OR2T8: variants seen among roughly 807,000 people sequenced by gnomAD.
The protein encoded by OR2T8 is olfactory receptor 2T8.
For synonymous variants in OR2T8, 56 were observed against 154.3 expected (o/e 0.36, Z 4.72); for missense variants, 161 against 389.4 (o/e 0.41, Z 4.94).
Position 247,922,032 on chromosome 1 carries a change from C to CT in OR2T8, c.*80dup, listed in dbSNP as rs565682586. On this transcript the variant is annotated 3_prime_UTR_variant, in exon 2 of 2. Transcript: ENST00000641945. ...ATTTCCTAGAAATAAGGAATATACA[C>CT]TTTTATTTCTACATCTGTTGTCTCT... The CT allele has an allele frequency of 1.4e-4, 198 of 1,439,672 alleles. 1 individual carries two copies. In the East Asian group the frequency reaches 4.1e-3, roughly 30 times the overall value. The allele number at this position is 1,439,672 out of a possible 1,614,324, so 89.2% of individuals were successfully genotyped here. A position where few individuals can be genotyped will look rare whatever the true frequency, so the allele number is the denominator to read the frequency against.
chr1:247,922,970 C>T lies in OR2T8; in HGVS notation c.*1014C>T, dbSNP rs980888599. On this transcript the variant is annotated 3_prime_UTR_variant, in exon 2 of 2. Transcript: ENST00000641945. ...TGACTAATAATGTTGAGGCCTCTTG[C>T]GTTAGCTTATTATCTATTGCCTATT... is the stretch of plus-strand genomic sequence containing the variant. 7.2e-5 allele frequency among the ~76,000 whole-genome samples: 11 copies of T among 152,190 alleles called. No homozygotes were observed. Among genetic ancestry groups the T allele is most frequent in the African/African-American group, 1.4e-4 (6 of 41,528 alleles).
In OR2T8 at chr1:247,921,702, A is replaced by G. The variant is rs772315295; in HGVS notation, c.685A>G (p.Thr229Ala). ...ILAAVLHMRS[T>A]EARKKAFATC... is the part of the protein sequence containing the mutation. ...CGCTGCTGTTCTGCACATGCGCTCT[A>G]CAGAAGCCCGCAAGAAGGCCTTTGC... is the stretch of plus-strand genomic sequence containing the variant. Residue 229 changes from threonine (T) to alanine (A), a missense_variant, in exon 2 of 2, where the codon ACA (threonine) becomes GCA (alanine). Coordinates refer to ENST00000641945, the MANE Select transcript of OR2T8 (RefSeq NM_001005522.2). 5.8e-6 allele frequency: 9 copies of G among 1,548,366 alleles called. No homozygotes were observed. The highest frequency in any genetic ancestry group is 1.8e-5 in the Admixed American group (1 of 56,452).
chr1:247,920,879 G>A, intron 1 of OR2T8, 119 bp from the exon 2 acceptor site: 1 of 708,936 alleles, frequency 1.4e-6, no homozygotes, highest in Non-Finnish European at 2.3e-6. Flanking sequence ...AGTGGCAAAT[G>A]AAAGATTTGA....
In OR2T8 at chr1:247,922,283, T is replaced by C. The variant is rs545726565; in HGVS notation, c.*327T>C. Among the ~76,000 whole-genome samples, 2 of 152,228 alleles carry C rather than the reference T, an allele frequency of 1.3e-5. No homozygotes were observed. Among genetic ancestry groups the C allele is most frequent in the Non-Finnish European group, 2.9e-5 (2 of 68,034 alleles). On this transcript the variant is annotated 3_prime_UTR_variant, in exon 2 of 2. Transcript: ENST00000641945. ...GAAAGTTGTTGCCATTTGTTTCAAATTGAGGTGTAGCTTACACACAGTAGA... is the reference window on the plus strand; with the variant it reads ...GAAAGTTGTTGCCATTTGTTTCAAACTGAGGTGTAGCTTACACACAGTAGA...
chr1:247,920,967 A>G, intron 1 of OR2T8, 31 bp from the exon 2 acceptor site: 1 of 1,470,394 alleles, frequency 6.8e-7, no homozygotes, highest in East Asian at 2.3e-5. Context: ...ATAAAGGATA[A>G]ACACTCTGTC....
At position 247,922,265 on chromosome 1, in the gene OR2T8, G is replaced by T. The variant is rs1182871329; in HGVS notation, c.*309G>T. On this transcript the variant is annotated 3_prime_UTR_variant, in exon 2 of 2. Transcript: ENST00000641945. Reference sequence around the variant, plus strand: ...AACCATTCAAGCAGTTTTGAAAGTTGTTGCCATTTGTTTCAAATTGAGGTG... The same window carrying T: ...AACCATTCAAGCAGTTTTGAAAGTTTTTGCCATTTGTTTCAAATTGAGGTG... Among the ~76,000 whole-genome samples the T allele has an allele frequency of 6.6e-6, 1 of 152,172 alleles. No homozygotes were observed. Among genetic ancestry groups the T allele is most frequent in the Non-Finnish European group, 1.5e-5 (1 of 68,034 alleles).
Position 247,923,090 on chromosome 1 carries a change from G to T in OR2T8, c.*1134G>T, listed in dbSNP as rs748846156. ...GTCATTAACTAATAGGCAATCTATG[G>T]CATTCATAGGGCTACTTGGAATTTT... On this transcript the variant is annotated 3_prime_UTR_variant, in exon 2 of 2. Transcript: ENST00000641945. 6.6e-6 allele frequency among the ~76,000 whole-genome samples: 1 copy of T among 152,128 alleles called. No individual in the cohort carries two copies. Among genetic ancestry groups the T allele is most frequent in the African/African-American group, 2.4e-5 (1 of 41,418 alleles).
chr1:247,922,810 T>A lies in OR2T8; in HGVS notation c.*854T>A, dbSNP rs1053898909. Among the ~76,000 whole-genome samples the A allele has an allele frequency of 6.6e-6, 1 of 152,200 alleles. No individual in the cohort carries two copies. Among genetic ancestry groups the A allele is most frequent in the Admixed American group, 6.5e-5 (1 of 15,284 alleles). ...ACTCTTCAGTAAACTGTTTTCAAAG[T>A]GGTTGTTTACTCTTATACTGCCGCT... On this transcript the variant is annotated 3_prime_UTR_variant, in exon 2 of 2. Transcript: ENST00000641945.
Position 247,921,874 on chromosome 1 carries a change from T to C in OR2T8, c.857T>C (p.Leu286Pro), listed in dbSNP as rs1173651746. 1 of 1,613,850 alleles carries C rather than the reference T, an allele frequency of 6.2e-7. No homozygotes were observed. Among genetic ancestry groups the C allele is most frequent in the Non-Finnish European group, 8.5e-7 (1 of 1,179,970 alleles). The change falls in exon 2 of 2, where the codon CTC becomes CCC. Residue 286 changes from leucine to proline, a missense_variant. Coordinates refer to ENST00000641945, the MANE Select transcript of OR2T8 (RefSeq NM_001005522.2). ...YTMFTPLLNP[L>P]IYSVKNSEVK... The stretch of plus-strand genomic sequence containing the variant: ...ATGTTCACCCCTTTACTAAACCCCC[T>C]CATCTACAGTGTGAAGAACAGTGAG...
chr1:247,920,972 T>C, intron 1 of OR2T8, 26 bp from the exon 2 acceptor site: 2 of 1,487,542 alleles, frequency 1.3e-6, no homozygotes, highest in South Asian at 1.3e-5. Flanking sequence ...GGATAAACAC[T>C]CTGTCTTCTT....
In OR2T8 at chr1:247,922,440, A is replaced by G. The variant is rs748509396; in HGVS notation, c.*484A>G. ...GCAGGCCCTTTTCCAGTGATACCCC[A>G]GGCCTAAGATACATCCACTGCTCTA... On this transcript the variant is annotated 3_prime_UTR_variant, in exon 2 of 2. Coordinates refer to ENST00000641945, the MANE Select transcript of OR2T8 (RefSeq NM_001005522.2). Among the ~76,000 whole-genome samples the G allele has an allele frequency of 5.3e-5, 8 of 152,182 alleles. No individual in the cohort carries two copies. The highest frequency in any genetic ancestry group is 7.3e-5 in the Non-Finnish European group (5 of 68,028).
chr1:247,922,054 C>T lies in OR2T8; in HGVS notation c.*98C>T. The T allele has an allele frequency of 7.9e-7, 1 of 1,270,246 alleles. No individual in the cohort carries two copies. The highest frequency in any genetic ancestry group is 1.1e-6 in the Non-Finnish European group (1 of 910,420). 78.7% of individuals were successfully genotyped at this position (1,270,246 alleles called of 1,614,324 possible). A position where few individuals can be genotyped will look rare whatever the true frequency, so the allele number is the denominator to read the frequency against. On this transcript the variant is annotated 3_prime_UTR_variant, in exon 2 of 2. Transcript: ENST00000641945. ...ACACTTTTATTTCTACATCTGTTGT[C>T]TCTGTGTGTGTGTGTGTTTGTGTGT... is the stretch of plus-strand genomic sequence containing the variant.
Position 247,921,093 on chromosome 1 carries a change from T to C in OR2T8, c.76T>C (p.Phe26Leu). The C allele has an allele frequency of 6.2e-7, 1 of 1,610,816 alleles. No individual in the cohort carries two copies. The highest frequency in any genetic ancestry group is 1.1e-5 in the South Asian group (1 of 90,634). ...CCACACCAGAGCCCACCAAGTCCTC[T>C]TCATGATGGTTCTGAGTATCGTTTT... ...FNHTRAHQVLFMMVLSIVLTS... is the reference protein window; with the variant it reads ...FNHTRAHQVLLMMVLSIVLTS... Residue 26 changes from phenylalanine to leucine, a missense_variant, in exon 2 of 2, where the codon TTC becomes CTC. Physicochemically the swap from Phe to Leu is conservative, Grantham distance 22. Coordinates refer to ENST00000641945, the MANE Select transcript of OR2T8 (RefSeq NM_001005522.2).
Position 247,922,074 on chromosome 1 carries a change from G to A in OR2T8, c.*118G>A. On this transcript the variant is annotated 3_prime_UTR_variant, in exon 2 of 2. Coordinates refer to ENST00000641945, the MANE Select transcript of OR2T8 (RefSeq NM_001005522.2). The stretch of plus-strand genomic sequence containing the variant: ...GTTGTCTCTGTGTGTGTGTGTGTTT[G>A]TGTGTTGCTTTGAATTGCAGATGAA... 9.2e-7 allele frequency: 1 copy of A among 1,090,356 alleles called. No homozygotes were observed. Among genetic ancestry groups the A allele is most frequent in the Non-Finnish European group, 1.3e-6 (1 of 765,020 alleles). The allele number at this position is 1,090,356 out of a possible 1,614,324, so 67.5% of individuals were successfully genotyped here.
rs1223629311 is a variant in OR2T8, at chr1:247,922,874, G to A, written c.*918G>A. 6.6e-6 allele frequency among the ~76,000 whole-genome samples: 1 copy of A among 152,142 alleles called. No individual in the cohort carries two copies. Among genetic ancestry groups the A allele is most frequent in the Non-Finnish European group, 1.5e-5 (1 of 68,020 alleles). ...AGTTCCTGTTGCTCCAAATGTCGAT[G>A]TTTTCTTCATTTTAGCAATTCTTCT... On this transcript the variant is annotated 3_prime_UTR_variant, in exon 2 of 2. Coordinates refer to ENST00000641945, the MANE Select transcript of OR2T8 (RefSeq NM_001005522.2).
Position 247,921,230 on chromosome 1 carries a change from G to C in OR2T8, c.213G>C (p.Leu71=), listed in dbSNP as rs768491201. 7.5e-6 allele frequency: 12 copies of C among 1,599,816 alleles called. No individual in the cohort carries two copies. The highest frequency in any genetic ancestry group is 1.0e-5 in the Non-Finnish European group (12 of 1,176,264). The change falls in exon 2 of 2, where the codon CTG becomes CTC. Residue 71 remains leucine, a synonymous_variant. Coordinates refer to ENST00000641945, the MANE Select transcript of OR2T8 (RefSeq NM_001005522.2). ...LSQLSLMDVM[L]VSTTVPKMAA... ...AACTTTCCCTCATGGACGTGATGCT[G>C]GTTTCCACCACTGTGCCCAAAATGG...
chr1:247,923,089 G>A lies in OR2T8; in HGVS notation c.*1133G>A, dbSNP rs1229985366. Among the ~76,000 whole-genome samples the A allele has an allele frequency of 6.6e-6, 1 of 152,106 alleles. No homozygotes were observed. Among genetic ancestry groups the A allele is most frequent in the Admixed American group, 6.5e-5 (1 of 15,268 alleles). On this transcript the variant is annotated 3_prime_UTR_variant, in exon 2 of 2. Coordinates refer to ENST00000641945, the MANE Select transcript of OR2T8 (RefSeq NM_001005522.2). ...GGTCATTAACTAATAGGCAATCTAT[G>A]GCATTCATAGGGCTACTTGGAATTT...
Position 247,922,353 on chromosome 1 carries a change from A to G in OR2T8, c.*397A>G, listed in dbSNP as rs1660034858. Among the ~76,000 whole-genome samples the G allele has an allele frequency of 6.6e-6, 1 of 152,216 alleles. No homozygotes were observed. The highest frequency in any genetic ancestry group is 1.5e-5 in the Non-Finnish European group (1 of 68,036). The stretch of plus-strand genomic sequence containing the variant: ...TCCTTTTCAACTAATTTCCACAAAT[A>G]TCTACCCTGGTAATTCACCCATTAG... On this transcript the variant is annotated 3_prime_UTR_variant, in exon 2 of 2. Transcript: ENST00000641945.
At chr1:247,920,942 C>A in intron 1 of OR2T8, 56 bp from the exon 2 acceptor site, 1 of 1,286,818 alleles carries the variant, frequency 7.8e-7, no homozygotes, top group Non-Finnish European at 1.1e-6. Flanking sequence ...TACTACGTAA[C>A]TCAAATGGAG....
Sources: gnomAD v4.1 joint callset for allele counts (sites outside exome capture counted in the v4.1 genomes callset) on GRCh38, gnomAD v4.1.1 for gene constraint, MANE v1.5 for transcripts, NCBI Gene and HGNC (gene_info 2026-07-23, HGNC 2026-07-21) for gene names.